SLC25A37: variants seen among roughly 807,000 people sequenced by gnomAD.
SLC25A37 encodes solute carrier family 25 member 37, also known as mitoferrin-1.
SLC25A37 carries 17 observed loss-of-function variants against 31.0 expected under a neutral mutation model. The ratio of observed to expected loss-of-function variants is 0.55; its 90% CI spans 0.38 to 0.82. The LOEUF (loss-of-function observed/expected upper bound fraction) is 0.82, where lower values mean the gene tolerates loss of function less well. SLC25A37 is among the 40% of genes least tolerant of loss of function. The pLI is 0.00. For missense variants in SLC25A37, 404 were observed against 465.8 expected (o/e 0.87, Z 1.22); for synonymous variants, 222 against 193.0 (o/e 1.15, Z -1.24).
chr8:23,546,593 ATATAGTGTATGTGTGTG>A (rs147107341), intron 1 of SLC25A37, among the ~76,000 whole-genome samples: 7,268 of 109,550 alleles, frequency 0.066, 507 homozygotes, highest in East Asian at 0.14. Flanking sequence ...GTGTATATAT[ATATAGTGTATGTGTGTG>A]TGTGTGTGTG....
intron 1 of SLC25A37, among the ~76,000 whole-genome samples, chr8:23,550,195 A>T (rs1304624807): frequency 7.4e-6 from 1 of 135,760 alleles, no homozygotes; most frequent in South Asian, 2.2e-4. Context: ...AAAAAAAAAA[A>T]AAAAAACACA....
At position 23,573,511 on chromosome 8, in the gene SLC25A37, C is replaced by G. The variant is rs959070608; in HGVS notation, c.*1656C>G. 4.3e-6 allele frequency: 1 copy of G among 233,656 alleles called. No homozygotes were observed. The highest frequency in any genetic ancestry group is 1.1e-4 in the East Asian group (1 of 9,156). The allele number at this position is 233,656 out of a possible 1,614,324, so 14.5% of individuals were successfully genotyped here. A position where few individuals can be genotyped will look rare whatever the true frequency, so the allele number is the denominator to read the frequency against. ...CGGGTCCTGACCTGCCGCCACCCAT[C>G]ACGGTCAGCGTGGTGCATCTTACCG... On this transcript the variant is annotated 3_prime_UTR_variant, in exon 4 of 4. Transcript: ENST00000519973.
At chr8:23,566,956 A>T in intron 2 of SLC25A37, 1 of 496,298 alleles carries the variant, frequency 2.0e-6, no homozygotes, top group Non-Finnish European at 2.6e-6. Flanking sequence ...GGCTGAAATC[A>T]TTTTGTTTGG....
At position 23,572,105 on chromosome 8, in the gene SLC25A37, C is replaced by T. The variant is rs1002735848; in HGVS notation, c.*250C>T. ...GAGAAATTGCTTTTTCTCTTCCTCC[C>T]TGGGCAGAATGTAGCTTTTCTGCTT... On this transcript the variant is annotated 3_prime_UTR_variant, in exon 4 of 4. Transcript: ENST00000519973. 5 of 437,264 alleles carry T rather than the reference C, an allele frequency of 1.1e-5. No homozygotes were observed. Among genetic ancestry groups the T allele is most frequent in the African/African-American group, 8.0e-5 (4 of 50,032 alleles). The allele number at this position is 437,264 out of a possible 1,614,324, so 27.1% of individuals were successfully genotyped here.
chr8:23,565,925 T>G (rs186370265), intron 1 of SLC25A37, among the ~76,000 whole-genome samples, 183 bp from the exon 2 acceptor site: 264 of 152,354 alleles, frequency 1.7e-3, no homozygotes, highest in African/African-American at 5.6e-3. Flanking sequence ...GTGCACACAT[T>G]CATGTAGATT....
rs539705905 is a variant in SLC25A37, at chr8:23,573,022, T to G, written c.*1167T>G. 6.6e-6 allele frequency: 1 copy of G among 152,348 alleles called. No individual in the cohort carries two copies. Among genetic ancestry groups the G allele is most frequent in the Non-Finnish European group, 1.5e-5 (1 of 68,108 alleles). 9.4% of individuals were successfully genotyped at this position (152,348 alleles called of 1,614,324 possible). ...TAACGTGATCTATGTGTGTTTTGAC[T>G]GAATCTCATCTCCTGTGTTTCCCTG... On this transcript the variant is annotated 3_prime_UTR_variant, in exon 4 of 4. Coordinates refer to ENST00000519973, the MANE Select transcript of SLC25A37 (RefSeq NM_016612.4).
chr8:23,547,996 C>T (rs549107901), intron 1 of SLC25A37, among the ~76,000 whole-genome samples: 1 of 152,224 alleles, frequency 6.6e-6, no homozygotes, highest in East Asian at 1.9e-4. Flanking sequence ...CCAAGGTCAC[C>T]CCGCACTGCC....
intron 1 of SLC25A37, among the ~76,000 whole-genome samples, chr8:23,532,471 G>A (rs1306193914): frequency 6.6e-6 from 1 of 152,190 alleles, no homozygotes; most frequent in East Asian, 1.9e-4. Context: ...GATCAGGAGA[G>A]CTCAAGACTT....
rs755837841 is a variant in SLC25A37 at position 23,574,581 on chromosome 8, A to G, written c.*2726A>G. 2 of 154,918 alleles carry G rather than the reference A, an allele frequency of 1.3e-5. No homozygotes were observed. The highest frequency in any genetic ancestry group is 1.5e-5 in the Non-Finnish European group (1 of 68,256). The allele number at this position is 154,918 out of a possible 1,614,324, so 9.6% of individuals were successfully genotyped here. On this transcript the variant is annotated 3_prime_UTR_variant, in exon 4 of 4. Coordinates refer to ENST00000519973, the MANE Select transcript of SLC25A37 (RefSeq NM_016612.4). ...ACTTGGCCAGCCTGCATGCCTGGTC[A>G]TCAGGAGGTTGAGAAAAGCCTTGAA...
chr8:23,529,167 C>T lies in SLC25A37; in HGVS notation c.165C>T (p.Ala55=). ...CCCACATGACAGCAGGAGCGATGGCCGGGATCCTGGAGCACTCGGTCATGT... is the reference window on the plus strand; with the variant it reads ...CCCACATGACAGCAGGAGCGATGGCTGGGATCCTGGAGCACTCGGTCATGT... ...VSTHMTAGAM[A]GILEHSVMYP... The change falls in exon 1 of 4, where the codon GCC becomes GCT. Residue 55 remains alanine (A), a synonymous_variant. Transcript: ENST00000519973. The surrounding 1 kb of genome is among the most constrained non-coding windows in gnomAD (Gnocchi z 4.1). 6.2e-7 allele frequency: 1 copy of T among 1,611,238 alleles called. No homozygotes were observed. The highest frequency in any genetic ancestry group is 2.2e-5 in the East Asian group (1 of 44,616).
chr8:23,532,215 G>C (rs965777192), intron 1 of SLC25A37, among the ~76,000 whole-genome samples: 1 of 152,172 alleles, frequency 6.6e-6, no homozygotes, highest in African/African-American at 2.4e-5. Context: ...TCCCATGGTG[G>C]GATGTGAGCA....
intron 1 of SLC25A37, among the ~76,000 whole-genome samples, chr8:23,554,880 T>C (rs1015800121): frequency 3.3e-5 from 5 of 152,230 alleles, no homozygotes; most frequent in African/African-American, 1.2e-4. Context: ...AGAGCCCATC[T>C]GTCTTGCTTA....
At chr8:23,566,586 G>C in intron 2 of SLC25A37, 1 of 1,246,628 alleles carries the variant, frequency 8.0e-7, no homozygotes, top group Non-Finnish European at 1.0e-6. Flanking sequence ...GAGGTGTTTT[G>C]GTTTTATTGT....
chr8:23,569,431 A>T (rs1210575784), intron 3 of SLC25A37, among the ~76,000 whole-genome samples: 1 of 151,204 alleles, frequency 6.6e-6, no homozygotes, highest in East Asian at 1.9e-4. Context: ...ACACACACTC[A>T]CTCTCTTAGC....
chr8:23,529,390 G>A lies in SLC25A37; in HGVS notation c.210+178G>A, dbSNP rs1801617231. On this transcript the variant is annotated intron_variant, in intron 1 of 3. Transcript: ENST00000519973. This position sits in a 1 kb window ranked among gnomAD's most constrained non-coding sequence, Gnocchi z 4.1. ...GCGCAGCCTGGGCGCCGCGCCTTCC[G>A]CCGACCCCGCGAGGGTGCCCGGTCC... Among the ~76,000 whole-genome samples, 2 of 151,466 alleles carry A rather than the reference G, an allele frequency of 1.3e-5. No individual in the cohort carries two copies. Among genetic ancestry groups the A allele is most frequent in the African/African-American group, 4.8e-5 (2 of 41,370 alleles).
At chr8:23,534,824 T>C (rs540346077) in intron 1 of SLC25A37, among the ~76,000 whole-genome samples, 1 of 152,210 alleles carries the variant, frequency 6.6e-6, no homozygotes, top group Non-Finnish European at 1.5e-5. Context: ...GAACAGTTGA[T>C]ACTCTCTGAT....
At chr8:23,552,311 A>G (rs539704797) in intron 1 of SLC25A37, among the ~76,000 whole-genome samples, 53 of 152,346 alleles carry the variant, frequency 3.5e-4, no homozygotes, top group Middle Eastern at 3.4e-3. Context: ...CGTTCATCTC[A>G]GGAAGCATGG....
At chr8:23,551,504 T>A (rs1053636192) in intron 1 of SLC25A37, among the ~76,000 whole-genome samples, 1 of 151,728 alleles carries the variant, frequency 6.6e-6, no homozygotes, top group African/African-American at 2.4e-5. Context: ...ATCCTGCTGC[T>A]AGGCAGTGAG....
rs1802925867 is a variant in SLC25A37, at chr8:23,573,915, T to G, written c.*2060T>G. 4.4e-6 allele frequency: 2 copies of G among 451,452 alleles called. No individual in the cohort carries two copies. Among genetic ancestry groups the G allele is most frequent in the Non-Finnish European group, 9.0e-6 (2 of 222,606 alleles). 28.0% of individuals were successfully genotyped at this position (451,452 alleles called of 1,614,324 possible). ...CGCTACTGTTGAAAATGTTTACATC[T>G]CCGCTCTCAACCTGCCTTGGGTTCG... On this transcript the variant is annotated 3_prime_UTR_variant, in exon 4 of 4. Transcript: ENST00000519973.
Sources: allele counts gnomAD v4.1 joint callset (sites outside exome capture counted in the v4.1 genomes callset), GRCh38; gene constraint gnomAD v4.1.1; non-coding constraint Gnocchi (gnomAD v3.1); transcripts MANE v1.5; gene names NCBI Gene and HGNC (gene_info 2026-07-23, HGNC 2026-07-21).